The following LHFPL3 variants were observed in gnomAD, a reference collection of about 807,000 sequenced individuals.
LHFPL3 encodes LHFPL tetraspan subfamily member 3 protein.
Under a neutral mutation model 19.3 loss-of-function variants are expected in LHFPL3, and 5 were observed. The ratio of observed to expected loss-of-function variants is 0.26; its 90% CI spans 0.14 to 0.54. LHFPL3 has a LOEUF of 0.54. Among genes scored for constraint, LHFPL3 ranks in the 20% least tolerant of loss-of-function variants. LHFPL3 has a pLI of 0.94. For missense variants in LHFPL3, 249 were observed against 307.4 expected (o/e 0.81, Z 1.42); for synonymous variants, 133 against 126.2 (o/e 1.05, Z -0.36).
Position 104,364,767 on chromosome 7 carries a change from G to A in LHFPL3, c.445+35543G>A, listed in dbSNP as rs187362297. 5.3e-5 allele frequency among the ~76,000 whole-genome samples: 8 copies of A among 152,342 alleles called. No homozygotes were observed. The East Asian group carries it at 1.5e-3, about 29-fold the overall frequency. On this transcript the variant is annotated intron_variant, in intron 1 of 2. Coordinates refer to ENST00000424859, the MANE Select transcript of LHFPL3 (RefSeq NM_199000.3). ...GCCAGTAGAATGAAACCAGGAGCAC[G>A]TCATTTAACCCTGTTTTCTTCAACG...
chr7:104,777,247 G>T (rs1314204300), intron 2 of LHFPL3, among the ~76,000 whole-genome samples: 1 of 152,146 alleles, frequency 6.6e-6, no homozygotes, highest in African/African-American at 2.4e-5. Context: ...CTTCTCAAAG[G>T]GCAGTGTTTC....
chr7:104,562,643 C>G (rs1373606282), intron 1 of LHFPL3, among the ~76,000 whole-genome samples: 1 of 151,834 alleles, frequency 6.6e-6, no homozygotes, highest in Non-Finnish European at 1.5e-5. Context: ...TCCCATAGCT[C>G]AGAGTAATTT....
intron 2 of LHFPL3, among the ~76,000 whole-genome samples, chr7:104,822,365 C>T (rs1049085946): frequency 1.3e-5 from 2 of 152,160 alleles, no homozygotes; most frequent in Admixed American, 1.3e-4. Flanking sequence ...GGTAAAAAAG[C>T]AGTCCCTGAA....
In LHFPL3 at chr7:104,763,359, T is replaced by A. The variant is rs556570173; in HGVS notation, c.682+26448T>A. Among the ~76,000 whole-genome samples, 26 of 152,326 alleles carry A rather than the reference T, an allele frequency of 1.7e-4. 1 individual carries two copies. Among genetic ancestry groups the A allele is most frequent in the African/African-American group, 5.8e-4 (24 of 41,576 alleles). ...TTATTCAAGAGCCTGTCATTCACAT[T>A]AATGTGTTAAGTACTGCACTGTTAC... On this transcript the variant is annotated intron_variant, in intron 2 of 2. Transcript: ENST00000424859.
intron 2 of LHFPL3, among the ~76,000 whole-genome samples, chr7:104,888,609 T>C (rs1000638057): frequency 6.6e-6 from 1 of 152,316 alleles, no homozygotes; most frequent in Middle Eastern, 3.4e-3. Context: ...GGCATTCTGC[T>C]AGGTCATGGG....
At chr7:104,430,142 G>A (rs556886144) in intron 1 of LHFPL3, among the ~76,000 whole-genome samples, 3 of 151,324 alleles carry the variant, frequency 2.0e-5, no homozygotes, top group South Asian at 2.1e-4. Flanking sequence ...TAAAAATCTC[G>A]TGCAGGGAAA....
intron 1 of LHFPL3, among the ~76,000 whole-genome samples, chr7:104,714,984 CAGAGAG>C (rs138444744): frequency 1.3e-5 from 2 of 149,484 alleles, no homozygotes; most frequent in Admixed American, 1.3e-4. Flanking sequence ...TGTATATACA[CAGAGAG>C]AGAGAGAGAG....
chr7:104,664,003 G>A (rs779738294), intron 1 of LHFPL3, among the ~76,000 whole-genome samples: 10 of 152,102 alleles, frequency 6.6e-5, no homozygotes, highest in Non-Finnish European at 1.5e-4. Context: ...GATTTTTTAG[G>A]GGTGTGTCCC....
intron 1 of LHFPL3, among the ~76,000 whole-genome samples, chr7:104,475,857 T>G (rs1033179137): frequency 6.6e-6 from 1 of 152,228 alleles, no homozygotes; most frequent in Admixed American, 6.5e-5. Flanking sequence ...CTGTTTTCTA[T>G]TCTTTCTTGA....
intron 2 of LHFPL3, among the ~76,000 whole-genome samples, chr7:104,835,233 C>G (rs1791068253): frequency 6.6e-6 from 1 of 151,974 alleles, no homozygotes; most frequent in Non-Finnish European, 1.5e-5. Context: ...AGTTAATTCT[C>G]ATAAAGTGCT....
chr7:104,692,145 G>C (rs1792916378), intron 1 of LHFPL3, among the ~76,000 whole-genome samples: 1 of 152,166 alleles, frequency 6.6e-6, no homozygotes. Flanking sequence ...GATGTGATTT[G>C]GGTGCTCTTA....
At chr7:104,784,168 A>G (rs12705278) in intron 2 of LHFPL3, among the ~76,000 whole-genome samples, 23,254 of 152,224 alleles carry the variant, frequency 0.15, 2,189 homozygotes, top group East Asian at 0.46. Flanking sequence ...CTCAATCTTT[A>G]AATGTAACCT....
chr7:104,658,013 G>GA (rs11436453), intron 1 of LHFPL3, among the ~76,000 whole-genome samples: 103,941 of 151,974 alleles, frequency 0.68, 35,725 homozygotes, highest in South Asian at 0.84. Context: ...GCCTTTGACA[G>GA]AAAAAAGATA....
intron 2 of LHFPL3, among the ~76,000 whole-genome samples, chr7:104,891,266 T>C (rs531815166): frequency 1.3e-5 from 2 of 152,230 alleles, no homozygotes; most frequent in South Asian, 4.1e-4. Flanking sequence ...TAAATGTATT[T>C]CTTACAGTTC....
At chr7:104,483,708 T>A (rs762034336) in intron 1 of LHFPL3, among the ~76,000 whole-genome samples, 7 of 152,186 alleles carry the variant, frequency 4.6e-5, no homozygotes, top group Non-Finnish European at 8.8e-5. Flanking sequence ...CTCAAACTCC[T>A]GGGCTCAAGC....
intron 1 of LHFPL3, among the ~76,000 whole-genome samples, chr7:104,461,879 A>C (rs1369621761): frequency 6.6e-6 from 1 of 152,202 alleles, no homozygotes; most frequent in Non-Finnish European, 1.5e-5. Flanking sequence ...CTTCCTATCC[A>C]TGAGCATGGA....
intron 2 of LHFPL3, among the ~76,000 whole-genome samples, chr7:104,864,127 G>T (rs1391466361): frequency 6.6e-6 from 1 of 152,172 alleles, no homozygotes; most frequent in Non-Finnish European, 1.5e-5. Context: ...TAAAAGTTCT[G>T]TACAAGGGAG....
chr7:104,620,671 A>C (rs1370332754), intron 1 of LHFPL3, among the ~76,000 whole-genome samples: 5 of 148,968 alleles, frequency 3.4e-5, no homozygotes, highest in Non-Finnish European at 6.0e-5. Flanking sequence ...TTTTCCCCCC[A>C]GTGATTTCCA....
intron 2 of LHFPL3, among the ~76,000 whole-genome samples, chr7:104,833,121 GAT>G (rs1451878489): frequency 2.4e-4 from 5 of 20,642 alleles, no homozygotes; most frequent in African/African-American, 3.0e-4. Context: ...TCCTGAGGAG[GAT>G]ATATATATAT....
Sources: allele counts gnomAD v4.1 joint callset (sites outside exome capture counted in the v4.1 genomes callset), GRCh38; gene constraint gnomAD v4.1.1; transcripts MANE v1.5; gene names NCBI Gene and HGNC (gene_info 2026-07-23, HGNC 2026-07-21).